OSBPL5: variants seen among roughly 807,000 people sequenced by gnomAD.
OSBPL5 encodes the protein oxysterol binding protein like 5, also known as oxysterol-binding protein-related protein 5.
OSBPL5 carries 71 observed loss-of-function variants against 111.2 expected under a neutral mutation model. The ratio of observed to expected loss-of-function variants is 0.64; its 90% CI spans 0.53 to 0.78. The LOEUF (loss-of-function observed/expected upper bound fraction) is 0.78, where lower values mean the gene tolerates loss of function less well. Among genes scored for constraint, OSBPL5 ranks in the 30% least tolerant of loss-of-function variants. The pLI is 0.00. For synonymous variants in OSBPL5, 549 were observed against 513.9 expected (o/e 1.07, Z -0.93); for missense variants, 1,210 against 1,189.3 (o/e 1.02, Z -0.26).
At chr11:3,131,714 CCATCCATCCATCCATCCATCCTCCCAGG>C (rs1845794412) in intron 1 of OSBPL5, among the ~76,000 whole-genome samples, 1 of 111,106 alleles carries the variant, frequency 9.0e-6, no homozygotes, top group Non-Finnish European at 2.0e-5. Flanking sequence ...ATCCATCCAT[CCATCCATCCATCCATCCATCCTCCCAGG>C]CATCCATCCA....
intron 14 of OSBPL5, among the ~76,000 whole-genome samples, chr11:3,095,476 C>T (rs1041609705): frequency 6.6e-6 from 1 of 152,064 alleles, no homozygotes; most frequent in East Asian, 1.9e-4. Flanking sequence ...CACACATGGT[C>T]AGGGCAGAAG....
At chr11:3,119,040 G>A (rs1343597510) in intron 7 of OSBPL5, among the ~76,000 whole-genome samples, 3 of 142,042 alleles carry the variant, frequency 2.1e-5, no homozygotes, top group Admixed American at 7.0e-5. Context: ...ACGGACTTTT[G>A]CTCTTGTCAC....
chr11:3,140,197 G>A lies in OSBPL5; in HGVS notation c.-21-11028C>T, dbSNP rs909482965. The stretch of plus-strand genomic sequence containing the variant: ...AACAGAGGTTGAGTCCTCAGAAGGA[G>A]GGAGGGGATAATTGCAGTGGTGTCT... On this transcript the variant is annotated intron_variant, in intron 1 of 21. Coordinates refer to ENST00000263650, the MANE Select transcript of OSBPL5 (RefSeq NM_020896.4). This position sits in a 1 kb window ranked among gnomAD's most constrained non-coding sequence, Gnocchi z 4.5. 6.6e-6 allele frequency among the ~76,000 whole-genome samples: 1 copy of A among 152,238 alleles called. No homozygotes were observed. Among genetic ancestry groups the A allele is most frequent in the Non-Finnish European group, 1.5e-5 (1 of 68,046 alleles).
chr11:3,119,010 G>GTT (rs57566057), intron 7 of OSBPL5, among the ~76,000 whole-genome samples: 3,536 of 146,612 alleles, frequency 0.024, 53 homozygotes, highest in African/African-American at 0.03. Context: ...GTGACAGGTG[G>GTT]TTTTTTTTTT....
At chr11:3,149,314 G>A (rs1846482486) in intron 1 of OSBPL5, among the ~76,000 whole-genome samples, 1 of 152,362 alleles carries the variant, frequency 6.6e-6, no homozygotes, top group Non-Finnish European at 1.5e-5. Flanking sequence ...GGGCTGGGGG[G>A]GCAGTCGCCC....
At position 3,142,581 on chromosome 11, in the gene OSBPL5, T is replaced by A. The variant is rs895304064; in HGVS notation, c.-21-13412A>T. Reference sequence around the variant, plus strand: ...CAGGAAAATGAAATGAATGACTCCATCCTACAGGTCTGAGAGTCACCGTCT... The same window carrying A: ...CAGGAAAATGAAATGAATGACTCCAACCTACAGGTCTGAGAGTCACCGTCT... On this transcript the variant is annotated intron_variant, in intron 1 of 21. Transcript: ENST00000263650. This position sits in a 1 kb window ranked among gnomAD's most constrained non-coding sequence, Gnocchi z 7.1. Among the ~76,000 whole-genome samples the A allele has an allele frequency of 5.3e-5, 8 of 152,182 alleles. No individual in the cohort carries two copies. The South Asian group carries it at 1.7e-3, about 31-fold the overall frequency.
chr11:3,089,750 G>C, intron 21 of OSBPL5, 96 bp downstream of exon 21: 1 of 1,172,332 alleles, frequency 8.5e-7, no homozygotes, highest in South Asian at 1.3e-5. Flanking sequence ...AACCCCAGCC[G>C]CGGCCTCCTG....
rs919075959 is a variant in OSBPL5, at chr11:3,092,089, T to C, written c.2259+343A>G. ...TGCAAGTGCTGGCTCCTCCTCCTCC[T>C]ACCTGGGAAGGGCCCTGGGCTGCCC... On this transcript the variant is annotated intron_variant, in intron 19 of 21. Transcript: ENST00000263650. This position sits in a 1 kb window ranked among gnomAD's most constrained non-coding sequence, Gnocchi z 5.4. Among the ~76,000 whole-genome samples, 3 of 152,162 alleles carry C rather than the reference T, an allele frequency of 2.0e-5. No homozygotes were observed. The highest frequency in any genetic ancestry group is 2.9e-5 in the Non-Finnish European group (2 of 68,020).
chr11:3,101,804 A>T (rs1857467782), intron 12 of OSBPL5, 105 bp from the exon 13 acceptor site: 4 of 908,696 alleles, frequency 4.4e-6, no homozygotes, highest in Non-Finnish European at 5.1e-6. Context: ...CTGACGCCAC[A>T]TCTTCTCCCC....
At chr11:3,151,212 C>T (rs772443242) in intron 1 of OSBPL5, among the ~76,000 whole-genome samples, 5 of 152,126 alleles carry the variant, frequency 3.3e-5, no homozygotes, top group Admixed American at 1.3e-4. Flanking sequence ...CCAGAGCCTT[C>T]GGAGGGAGCG....
chr11:3,093,017 C>T lies in OSBPL5; in HGVS notation c.1982G>A (p.Gly661Asp). The T allele has an allele frequency of 1.2e-6, 2 of 1,601,402 alleles. No homozygotes were observed. The highest frequency in any genetic ancestry group is 3.4e-5 in the Admixed American group (2 of 59,066). The change falls in exon 18 of 22, where the codon GGC (glycine) becomes GAC (aspartate). Residue 661 changes from glycine (G) to aspartate (D), a missense_variant. Coordinates refer to ENST00000263650, the MANE Select transcript of OSBPL5 (RefSeq NM_020896.4). ...WQHVTRAISK[G>D]DQHRATQEKF... ...CTCCTGTGTGGCCCTGTGCTGGTCGCCCTTGCTGATGGCCCTGGTGACGTG... is the reference window on the plus strand; with the variant it reads ...CTCCTGTGTGGCCCTGTGCTGGTCGTCCTTGCTGATGGCCCTGGTGACGTG...
rs961057142 is a variant in OSBPL5, at chr11:3,113,034, A to G, written c.692-5089T>C. Among the ~76,000 whole-genome samples, 1 of 152,230 alleles carries G rather than the reference A, an allele frequency of 6.6e-6. No individual in the cohort carries two copies. Among genetic ancestry groups the G allele is most frequent in the African/African-American group, 2.4e-5 (1 of 41,460 alleles). ...ATGTCTATGTATTTATGTGTCGTGT[A>G]CACAATGTTTCACTACTGAAAATAT... On this transcript the variant is annotated intron_variant, in intron 7 of 21. Coordinates refer to ENST00000263650, the MANE Select transcript of OSBPL5 (RefSeq NM_020896.4). The surrounding 1 kb of genome is among the most constrained non-coding windows in gnomAD (Gnocchi z 4.8).
At chr11:3,103,802 A>G (rs557075044) in intron 10 of OSBPL5, among the ~76,000 whole-genome samples, 2 of 40,710 alleles carry the variant, frequency 4.9e-5, no homozygotes, top group South Asian at 1.5e-3. Context: ...CTGCCTCTGC[A>G]GCCCTCTTCC....
At chr11:3,144,847 C>A (rs1275133837) in intron 1 of OSBPL5, among the ~76,000 whole-genome samples, 2 of 152,180 alleles carry the variant, frequency 1.3e-5, no homozygotes, top group East Asian at 1.9e-4. Flanking sequence ...CGAGAGCCAC[C>A]CCCCGGCACC....
rs754997813 is a variant in OSBPL5 at position 3,092,583 on chromosome 11, C to G, written c.2133-25G>C. On this transcript the variant is annotated intron_variant, in intron 18 of 21. Transcript: ENST00000263650. This position sits in a 1 kb window ranked among gnomAD's most constrained non-coding sequence, Gnocchi z 5.4. ...GCTGGAGGGTCCAGAGGGCGTTCAT[C>G]AGCACAGGCAGTGGCCCTCAGGTGA... 3 of 1,557,682 alleles carry G rather than the reference C, an allele frequency of 1.9e-6. No individual in the cohort carries two copies. In the African/African-American group the frequency reaches 4.1e-5, roughly 21 times the overall value.
chr11:3,093,040 G>A lies in OSBPL5; in HGVS notation c.1959C>T (p.His653=), dbSNP rs1411002061. 10 of 1,586,162 alleles carry A rather than the reference G, an allele frequency of 6.3e-6. No individual in the cohort carries two copies. Among genetic ancestry groups the A allele is most frequent in the Admixed American group, 1.7e-5 (1 of 58,052 alleles). Residue 653 remains histidine (H), a synonymous_variant, in exon 18 of 22, where the codon CAC becomes CAT. Transcript: ENST00000263650. ...TELESERLWQ[H]VTRAISKGDQ... Reference sequence around the variant, plus strand: ...CGCCCTTGCTGATGGCCCTGGTGACGTGCTGCCAGAGCCTGCGGGCCAGTG... The same window carrying A: ...CGCCCTTGCTGATGGCCCTGGTGACATGCTGCCAGAGCCTGCGGGCCAGTG...
At position 3,146,980 on chromosome 11, in the gene OSBPL5, C is replaced by T. The variant is rs1432989964; in HGVS notation, c.-21-17811G>A. 2.0e-5 allele frequency among the ~76,000 whole-genome samples: 3 copies of T among 152,186 alleles called. No homozygotes were observed. The highest frequency in any genetic ancestry group is 2.9e-5 in the Non-Finnish European group (2 of 68,038). ...GGGGGCCTTGGCAGCTGTCACGACC[C>T]TCCTGAGCTAAACGCACAGCCCGCA... On this transcript the variant is annotated intron_variant, in intron 1 of 21. Transcript: ENST00000263650. This position sits in a 1 kb window ranked among gnomAD's most constrained non-coding sequence, Gnocchi z 7.8.
At chr11:3,096,274 A>AGTTT (rs570917688) in intron 14 of OSBPL5, among the ~76,000 whole-genome samples, 1 of 152,080 alleles carries the variant, frequency 6.6e-6, no homozygotes. Flanking sequence ...GACAACTAAG[A>AGTTT]GTTTGTTTGT....
chr11:3,119,618 T>C lies in OSBPL5; in HGVS notation c.620A>G (p.Glu207Gly). ...GGGCTGTGTGATGGAGCCCACGCTCTCACCTTTGGGGCCCTGGAGAGAGAG... is the reference window on the plus strand; with the variant it reads ...GGGCTGTGTGATGGAGCCCACGCTCCCACCTTTGGGGCCCTGGAGAGAGAG... ...SVWAVKGPKGESVGSITQPLP... is the reference protein window; with the variant it reads ...SVWAVKGPKGGSVGSITQPLP... The change falls in exon 7 of 22, where the codon GAG (glutamate) becomes GGG (glycine). Residue 207 changes from glutamate to glycine, a missense_variant. By Grantham distance (98) the Glu-to-Gly change is moderately conservative. Coordinates refer to ENST00000263650, the MANE Select transcript of OSBPL5 (RefSeq NM_020896.4). 1 of 1,575,966 alleles carries C rather than the reference T, an allele frequency of 6.3e-7. No individual in the cohort carries two copies. Among genetic ancestry groups the C allele is most frequent in the Admixed American group, 1.9e-5 (1 of 52,146 alleles).
Sources: allele counts gnomAD v4.1 joint callset (sites outside exome capture counted in the v4.1 genomes callset), GRCh38; gene constraint gnomAD v4.1.1; non-coding constraint Gnocchi (gnomAD v3.1); transcripts MANE v1.5; gene names NCBI Gene and HGNC (gene_info 2026-07-23, HGNC 2026-07-21).